ERBB4: variants seen among roughly 807,000 people sequenced by gnomAD.
ERBB4 encodes erb-b2 receptor tyrosine kinase 4, also known as receptor tyrosine-protein kinase erbB-4.
A neutral mutation model predicts 158.0 loss-of-function variants in ERBB4; 42 were observed. The observed-to-expected ratio is 0.27, with a 90% CI of 0.21 to 0.34. ERBB4 has a LOEUF of 0.34. ERBB4 is among the 10% of genes least tolerant of loss of function. The probability of loss-of-function intolerance (pLI) is 1.00; values close to 1 mark genes in which losing one functional copy is unlikely to be tolerated. For missense variants in ERBB4, 1,333 were observed against 1,624.1 expected (o/e 0.82, Z 3.08); for synonymous variants, 583 against 558.7 (o/e 1.04, Z -0.61).
intron 1 of ERBB4, among the ~76,000 whole-genome samples, chr2:212,307,324 T>C (rs1254997920): frequency 2.0e-5 from 3 of 150,518 alleles, no homozygotes; most frequent in Non-Finnish European, 3.0e-5. Context: ...TAAATACAAA[T>C]ATTAGTTCTT....
chr2:211,847,142 T>C (rs1037512304), intron 3 of ERBB4, among the ~76,000 whole-genome samples: 7 of 152,174 alleles, frequency 4.6e-5, no homozygotes, highest in African/African-American at 7.2e-5. Flanking sequence ...GGATTCTTTG[T>C]AAAATTAGTA....
At chr2:212,135,142 GATCT>G (rs751191369) in intron 1 of ERBB4, among the ~76,000 whole-genome samples, 1 of 152,072 alleles carries the variant, frequency 6.6e-6, no homozygotes, top group African/African-American at 2.4e-5. Flanking sequence ...CCTATCTGCT[GATCT>G]ATCTAAAATT....
At chr2:212,465,175 C>T (rs575732348) in intron 1 of ERBB4, among the ~76,000 whole-genome samples, 1 of 152,100 alleles carries the variant, frequency 6.6e-6, no homozygotes, top group Non-Finnish European at 1.5e-5. Context: ...TCTCTCTAGA[C>T]TTGTTTCCCG....
intron 2 of ERBB4, among the ~76,000 whole-genome samples, chr2:212,010,378 ATTTG>A (rs548112284): frequency 1.2e-3 from 187 of 152,218 alleles, no homozygotes; most frequent in East Asian, 8.1e-3. Context: ...TTATTATTTT[ATTTG>A]TTTATTTATT....
chr2:211,653,185 CA>C (rs1361260419), intron 16 of ERBB4, among the ~76,000 whole-genome samples: 2 of 152,028 alleles, frequency 1.3e-5, no homozygotes, highest in East Asian at 3.8e-4. Flanking sequence ...ATTTTTAAGG[CA>C]CTTAATTCAA....
intron 9 of ERBB4, among the ~76,000 whole-genome samples, chr2:211,709,258 T>TGC (rs2073585074): frequency 9.6e-6 from 1 of 103,934 alleles, no homozygotes; most frequent in Non-Finnish European, 2.1e-5. Context: ...TATACACATA[T>TGC]ATATATATAT....
intron 3 of ERBB4, among the ~76,000 whole-genome samples, chr2:211,809,051 T>A (rs1483302276): frequency 6.6e-6 from 1 of 152,232 alleles, no homozygotes; most frequent in African/African-American, 2.4e-5. Flanking sequence ...GTTTTCTAAA[T>A]GTACAGTCAT....
intron 3 of ERBB4, among the ~76,000 whole-genome samples, chr2:211,927,269 A>G (rs1204766803): frequency 6.6e-6 from 1 of 152,190 alleles, no homozygotes; most frequent in African/African-American, 2.4e-5. Context: ...AGTCTGCATA[A>G]TTTTTAAAGT....
intron 1 of ERBB4, among the ~76,000 whole-genome samples, chr2:212,130,644 A>T (rs2080082133): frequency 6.6e-6 from 1 of 152,172 alleles, no homozygotes; most frequent in Admixed American, 6.5e-5. Context: ...AATTAAAAAA[A>T]GAGAATTACC....
At chr2:212,083,651 A>G (rs898213817) in intron 2 of ERBB4, among the ~76,000 whole-genome samples, 1 of 151,906 alleles carries the variant, frequency 6.6e-6, no homozygotes, top group African/African-American at 2.4e-5. Flanking sequence ...CCCAAAAAAA[A>G]CAATGCCAGA....
chr2:211,547,598 C>T (rs951755650), intron 20 of ERBB4, among the ~76,000 whole-genome samples: 1 of 152,002 alleles, frequency 6.6e-6, no homozygotes, highest in South Asian at 2.1e-4. Flanking sequence ...TATGCCAGTC[C>T]TCCTACTTTG....
rs1226469223 is a variant in ERBB4 at position 211,947,517 on chromosome 2, C to T, written c.334G>A (p.Glu112Lys). 1 of 1,613,824 alleles carries T rather than the reference C, an allele frequency of 6.2e-7. No individual in the cohort carries two copies. Residue 112 changes from glutamate to lysine, a missense_variant, in exon 3 of 28, where the codon GAG (glutamate) becomes AAG (lysine). Glu to Lys is a moderately conservative substitution (Grantham distance 56). Transcript: ENST00000342788. ...LRIIRGTKLY[E>K]DRYALAIFLN... ...AATATTGCCAAGGCATATCGATCCTCATAAAGTTTTGTCCCACGAATAATG... is the reference window on the plus strand; with the variant it reads ...AATATTGCCAAGGCATATCGATCCTTATAAAGTTTTGTCCCACGAATAATG...
At chr2:212,345,802 ACTTT>A (rs1334403137) in intron 1 of ERBB4, among the ~76,000 whole-genome samples, 1 of 152,146 alleles carries the variant, frequency 6.6e-6, no homozygotes, top group Non-Finnish European at 1.5e-5. Context: ...TAAAATAATT[ACTTT>A]CTCAGCTAGA....
At chr2:212,157,324 G>A (rs552449672) in intron 1 of ERBB4, among the ~76,000 whole-genome samples, 3 of 152,124 alleles carry the variant, frequency 2.0e-5, no homozygotes, top group African/African-American at 7.2e-5. Context: ...TGGCCTCTCT[G>A]AGTGTGGGCC....
intron 1 of ERBB4, among the ~76,000 whole-genome samples, chr2:212,359,465 A>AG (rs35277210): frequency 0.49 from 73,652 of 151,346 alleles, 19,727 homozygotes; most frequent in African/African-American, 0.71. Flanking sequence ...ATGAATTTGC[A>AG]GGTTTTGTTT....
intron 1 of ERBB4, among the ~76,000 whole-genome samples, chr2:212,231,685 T>C (rs1040133088): frequency 6.6e-6 from 1 of 152,200 alleles, no homozygotes; most frequent in Non-Finnish European, 1.5e-5. Flanking sequence ...TTAGGATAGA[T>C]AAGACCCAGA....
intron 3 of ERBB4, among the ~76,000 whole-genome samples, chr2:211,794,541 T>C (rs773007722): frequency 1.3e-5 from 2 of 152,066 alleles, no homozygotes; most frequent in South Asian, 4.1e-4. Flanking sequence ...CCATAGAACA[T>C]GACCAACTTT....
chr2:212,299,643 G>T (rs373576671), intron 1 of ERBB4, among the ~76,000 whole-genome samples: 4 of 151,592 alleles, frequency 2.6e-5, no homozygotes, highest in African/African-American at 9.7e-5. Context: ...GCATTATTTA[G>T]AAATAATAGC....
At chr2:211,594,517 C>T (rs1264048910) in intron 19 of ERBB4, among the ~76,000 whole-genome samples, 2 of 151,596 alleles carry the variant, frequency 1.3e-5, no homozygotes, top group Non-Finnish European at 2.9e-5. Context: ...TCAGAAATAG[C>T]TATGACATCA....
Sources: allele counts gnomAD v4.1 joint callset (sites outside exome capture counted in the v4.1 genomes callset), GRCh38; gene constraint gnomAD v4.1.1; transcripts MANE v1.5; gene names NCBI Gene and HGNC (gene_info 2026-07-23, HGNC 2026-07-21).